The following CEP135 variants were observed in gnomAD, a reference collection of about 807,000 sequenced individuals.
CEP135 encodes centrosomal protein of 135 kDa.
Under a neutral mutation model 157.3 loss-of-function variants are expected in CEP135, and 142 were observed. The observed-to-expected ratio is 0.90, with a 90% CI of 0.79 to 1.04. The LOEUF (loss-of-function observed/expected upper bound fraction) is 1.04, where lower values mean the gene tolerates loss of function less well. CEP135 is among the 50% of genes least tolerant of loss of function. The probability of loss-of-function intolerance (pLI) is 0.00; values close to 1 mark genes in which losing one functional copy is unlikely to be tolerated. For missense variants in CEP135, 1,317 were observed against 1,309.2 expected (o/e 1.01, Z -0.09); for synonymous variants, 396 against 439.8 (o/e 0.90, Z 1.25).
chr4:55,951,648 C>G (rs1728366195), intron 1 of CEP135, among the ~76,000 whole-genome samples: 1 of 152,192 alleles, frequency 6.6e-6, no homozygotes, highest in Non-Finnish European at 1.5e-5. Context: ...ATTCCCTATA[C>G]AAATCCTTTG....
chr4:55,976,424 C>G (rs1729223012), intron 11 of CEP135, among the ~76,000 whole-genome samples: 1 of 152,022 alleles, frequency 6.6e-6, no homozygotes, highest in East Asian at 1.9e-4. Context: ...AATGATTGAT[C>G]AGTTTAATTA....
Position 56,032,847 on chromosome 4 carries a change from A to ATGTGTGT in CEP135, c.*1499_*1500insTGTGTGT, listed in dbSNP as rs1553897012. On this transcript the variant is annotated 3_prime_UTR_variant, in exon 26 of 26. Transcript: ENST00000257287. The stretch of plus-strand genomic sequence containing the variant: ...TTCCTCTTGTGGTTTAATAAAGTGA[A>ATGTGTGT]GTGTGTGTGTGTGTGTGTGTGTGTA... 1 of 149,730 alleles carries ATGTGTGT rather than the reference A, an allele frequency of 6.7e-6. No homozygotes were observed. Among genetic ancestry groups the ATGTGTGT allele is most frequent in the East Asian group, 2.0e-4 (1 of 5,068 alleles). 9.3% of individuals were successfully genotyped at this position (149,730 alleles called of 1,614,324 possible). A position where few individuals can be genotyped will look rare whatever the true frequency, so the allele number is the denominator to read the frequency against.
chr4:55,951,203 G>A lies in CEP135; in HGVS notation c.-45-883G>A, dbSNP rs866654629. Among the ~76,000 whole-genome samples the A allele has an allele frequency of 5.9e-5, 9 of 152,154 alleles. 1 individual carries two copies. Among genetic ancestry groups the A allele is most frequent in the Non-Finnish European group, 7.4e-5 (5 of 68,024 alleles). On this transcript the variant is annotated intron_variant, in intron 1 of 25. Transcript: ENST00000257287. ...CCAGTTTGGGGCTACTATGAGTAAA[G>A]CTGTGAACATTCTTGTAGAGTATTT...
At chr4:55,988,181 A>AGG (rs1420859562) in intron 14 of CEP135, among the ~76,000 whole-genome samples, 1 of 148,990 alleles carries the variant, frequency 6.7e-6, no homozygotes, top group Admixed American at 6.7e-5. Flanking sequence ...AACTTGATCT[A>AGG]TAGAGTTGAG....
At chr4:55,983,580 T>C (rs1729479740) in intron 13 of CEP135, among the ~76,000 whole-genome samples, 1 of 152,174 alleles carries the variant, frequency 6.6e-6, no homozygotes, top group Non-Finnish European at 1.5e-5. Flanking sequence ...GGCTCTGTTC[T>C]ATTAAGTGCT....
chr4:55,967,883 C>G (rs1054294721), intron 8 of CEP135, among the ~76,000 whole-genome samples: 2 of 152,208 alleles, frequency 1.3e-5, no homozygotes, highest in Non-Finnish European at 2.9e-5. Flanking sequence ...AGGATTCCCA[C>G]TCTTGTCACT....
At chr4:55,978,981 C>T (rs995652068) in intron 11 of CEP135, among the ~76,000 whole-genome samples, 1 of 152,156 alleles carries the variant, frequency 6.6e-6, no homozygotes, top group Admixed American at 6.5e-5. Flanking sequence ...ATAACTAATC[C>T]CATCCATCAT....
intron 14 of CEP135, among the ~76,000 whole-genome samples, chr4:55,989,216 A>G (rs1729706517): frequency 6.6e-6 from 1 of 152,210 alleles, no homozygotes; most frequent in Non-Finnish European, 1.5e-5. Flanking sequence ...TGAATGTTCA[A>G]GATATTACTA....
rs1729402083 is a variant in CEP135, at chr4:55,981,360, C to T, written c.1760C>T (p.Ala587Val). 6.4e-7 allele frequency: 1 copy of T among 1,574,718 alleles called. No individual in the cohort carries two copies. Among genetic ancestry groups the T allele is most frequent in the African/African-American group, 1.4e-5 (1 of 71,796 alleles). The part of the protein sequence containing the change: ...DLRRIMAEKE[A>V]LREKLEHIEE... Reference sequence around the variant, plus strand: ...AGAAGAATTATGGCAGAAAAGGAAGCTTTAAGAGAAAAATTAGAGGTAAGA... The same window carrying T: ...AGAAGAATTATGGCAGAAAAGGAAGTTTTAAGAGAAAAATTAGAGGTAAGA... Residue 587 changes from alanine (A) to valine (V), a missense_variant, in exon 13 of 26, where the codon GCT (alanine) becomes GTT (valine). Coordinates refer to ENST00000257287, the MANE Select transcript of CEP135 (RefSeq NM_025009.5).
chr4:56,023,200 C>A (rs1731024311), intron 24 of CEP135, among the ~76,000 whole-genome samples: 1 of 149,614 alleles, frequency 6.7e-6, no homozygotes, highest in Admixed American at 6.7e-5. Flanking sequence ...TGAGTCTGGG[C>A]AATAGAGCAA....
chr4:56,010,360 C>CAA (rs34182911), intron 19 of CEP135, among the ~76,000 whole-genome samples: 4 of 110,934 alleles, frequency 3.6e-5, no homozygotes, highest in South Asian at 2.9e-4. Flanking sequence ...AGACTCCATC[C>CAA]AAAAAAAAAA....
chr4:55,985,206 CT>C, intron 13 of CEP135, 74 bp from the exon 14 acceptor site: 1 of 715,406 alleles, frequency 1.4e-6, no homozygotes, highest in Non-Finnish European at 2.5e-6. Context: ...GAACTGTAGA[CT>C]TACATTGCTT....
intron 18 of CEP135, among the ~76,000 whole-genome samples, chr4:56,009,364 G>A (rs552355868): frequency 3.3e-5 from 5 of 151,988 alleles, no homozygotes; most frequent in East Asian, 1.9e-4. Flanking sequence ...GGGTTTCACC[G>A]TGTTAGCCAG....
chr4:55,988,007 A>G (rs1309056700), intron 14 of CEP135, among the ~76,000 whole-genome samples: 1 of 152,202 alleles, frequency 6.6e-6, no homozygotes, highest in Non-Finnish European at 1.5e-5. Context: ...AAATGCATAC[A>G]ATTTTAGTAG....
At position 56,009,524 on chromosome 4, in the gene CEP135, AT is replaced by A. The variant is rs956332707; in HGVS notation, c.2337-202del. Among the ~76,000 whole-genome samples, 729 of 151,416 alleles carry A rather than the reference AT, an allele frequency of 4.8e-3. 2 individuals carry two copies. The highest frequency in any genetic ancestry group is 0.016 in the African/African-American group (671 of 41,370). On this transcript the variant is annotated intron_variant, in intron 18 of 25. Transcript: ENST00000257287. ...GTGTTTACTTGACTGTTGGAATAACATTTTTTTTTAACTTCATTTGCATGTA... is the reference window on the plus strand; with the variant it reads ...GTGTTTACTTGACTGTTGGAATAACATTTTTTTTAACTTCATTTGCATGTA...
At position 55,974,862 on chromosome 4, in the gene CEP135, T is replaced by C. The variant is rs769922682; in HGVS notation, c.1366T>C (p.Tyr456His). Residue 456 changes from tyrosine to histidine, a missense_variant, in exon 11 of 26, where the codon TAT (tyrosine) becomes CAT (histidine). By Grantham distance (83) the Tyr-to-His change is moderately conservative. Transcript: ENST00000257287. The stretch of plus-strand genomic sequence containing the variant: ...GAAAGGTATAGAAGAAGAACGAGAT[T>C]ATTATAAGAAAGAGCTAGAGAGACT... ...FLKGIEEERD[Y>H]YKKELERLQH... The C allele has an allele frequency of 1.5e-5, 25 of 1,613,732 alleles. No individual in the cohort carries two copies. The highest frequency in any genetic ancestry group is 1.8e-5 in the Non-Finnish European group (21 of 1,179,844).
chr4:55,991,553 C>T (rs1729797828), intron 14 of CEP135, among the ~76,000 whole-genome samples: 1 of 151,902 alleles, frequency 6.6e-6, no homozygotes, highest in African/African-American at 2.4e-5. Context: ...TAGATCTTGC[C>T]CACTTTGTGT....
intron 17 of CEP135, among the ~76,000 whole-genome samples, chr4:56,001,321 A>G (rs995686730): frequency 5.3e-5 from 8 of 152,162 alleles, no homozygotes; most frequent in Non-Finnish European, 4.4e-5. Flanking sequence ...TTACACAGAC[A>G]ATATTTGTCC....
At chr4:55,958,011 G>A (rs1298371759) in intron 5 of CEP135, among the ~76,000 whole-genome samples, 3 of 152,234 alleles carry the variant, frequency 2.0e-5, no homozygotes, top group African/African-American at 7.2e-5. Context: ...AGTCTCCACG[G>A]TGATAGCTGG....
Sources: allele counts gnomAD v4.1 joint callset (sites outside exome capture counted in the v4.1 genomes callset), GRCh38; gene constraint gnomAD v4.1.1; transcripts MANE v1.5; gene names NCBI Gene and HGNC (gene_info 2026-07-23, HGNC 2026-07-21).